LZIC: variants seen among roughly 807,000 people sequenced by gnomAD.
LZIC encodes the protein protein LZIC.
LZIC carries 28 observed loss-of-function variants against 25.4 expected under a neutral mutation model. That is an observed-to-expected ratio of 1.10 (90% CI 0.82 to 1.51). The LOEUF is 1.51. LZIC is among the 40% of genes most tolerant of loss of function. LZIC has a pLI of 0.00. For synonymous variants in LZIC, 65 were observed against 70.7 expected, an observed-to-expected ratio of 0.92 and a Z score of 0.40; for missense variants, 170 against 211.1, an observed-to-expected ratio of 0.81 and a Z score of 1.21.
At chr1:9,930,584 G>T in intron 7 of LZIC, 127 bp from the exon 8 acceptor site, 2 of 1,330,220 alleles carry the variant, frequency 1.5e-6, no homozygotes, top group Non-Finnish European at 2.1e-6. Context: ...CATTATCAGT[G>T]TATTAACCCC....
chr1:9,928,113 G>C lies in LZIC; in HGVS notation c.*2286C>G, dbSNP rs909053513. Among the ~76,000 whole-genome samples the C allele has an allele frequency of 6.6e-6, 1 of 151,958 alleles. No homozygotes were observed. The highest frequency in any genetic ancestry group is 1.5e-5 in the Non-Finnish European group (1 of 67,976). On this transcript the variant is annotated 3_prime_UTR_variant, in exon 8 of 8. Transcript: ENST00000377223. ...GTGGATCACCTAAGGTCAGGAGTTC[G>C]AGACCAGCCTGACCAACATGGAGAA...
At chr1:9,940,889 T>A (rs1018754476) in intron 2 of LZIC, among the ~76,000 whole-genome samples, 3 of 152,212 alleles carry the variant, frequency 2.0e-5, no homozygotes, top group African/African-American at 7.2e-5. Context: ...TCCATTTTAA[T>A]TTTTCTCTTA....
At position 9,926,573 on chromosome 1, in the gene LZIC, C is replaced by T. The variant is rs1355042604; in HGVS notation, c.*3826G>A. Among the ~76,000 whole-genome samples the T allele has an allele frequency of 1.3e-5, 2 of 152,186 alleles. No individual in the cohort carries two copies. The highest frequency in any genetic ancestry group is 1.9e-4 in the East Asian group (1 of 5,194). ...CACCCACATAAAATATGTCTTACTG[C>T]TCACAAGATCAAAAGAAAACAGAAC... On this transcript the variant is annotated 3_prime_UTR_variant, in exon 8 of 8. Transcript: ENST00000377223.
intron 5 of LZIC, among the ~76,000 whole-genome samples, chr1:9,933,283 A>AAAAT (rs1557438404): frequency 3.4e-5 from 2 of 58,360 alleles, no homozygotes; most frequent in African/African-American, 1.1e-4. Flanking sequence ...AAAAAAAAAA[A>AAAAT]ATATATATAT....
intron 3 of LZIC, among the ~76,000 whole-genome samples, chr1:9,936,037 G>A (rs1188159725): frequency 6.6e-6 from 1 of 151,810 alleles, no homozygotes; most frequent in Admixed American, 6.6e-5. Context: ...GCTGAGGCAG[G>A]AGAATCGCTT....
At chr1:9,931,509 G>A (rs1199794186) in intron 7 of LZIC, among the ~76,000 whole-genome samples, 2 of 151,668 alleles carry the variant, frequency 1.3e-5, no homozygotes, top group East Asian at 1.9e-4. Flanking sequence ...TGATCTGCCC[G>A]CCTCGGCCTC....
chr1:9,942,696 T>C lies in LZIC; in HGVS notation c.-81A>G, dbSNP rs1404442618. 2 of 1,289,182 alleles carry C rather than the reference T, an allele frequency of 1.6e-6. No homozygotes were observed. Among genetic ancestry groups the C allele is most frequent in the African/African-American group, 3.0e-5 (2 of 65,872 alleles). The allele number at this position is 1,289,182 out of a possible 1,614,324, so 79.9% of individuals were successfully genotyped here. On this transcript the variant is annotated 5_prime_UTR_variant, in exon 2 of 8. Transcript: ENST00000377223. ...TTGCACAAACCTCCAGTTCTTGACGTTCCGAGTGTCATAAACTTGAGGAAA... is the reference window on the plus strand; with the variant it reads ...TTGCACAAACCTCCAGTTCTTGACGCTCCGAGTGTCATAAACTTGAGGAAA...
At chr1:9,938,255 C>T (rs1388590188) in intron 2 of LZIC, among the ~76,000 whole-genome samples, 1 of 152,082 alleles carries the variant, frequency 6.6e-6, no homozygotes, top group Non-Finnish European at 1.5e-5. Context: ...ATAGCCTCAA[C>T]CTCTCGAGCT....
intron 2 of LZIC, among the ~76,000 whole-genome samples, chr1:9,939,708 G>A (rs377350120): frequency 1.3e-5 from 2 of 151,966 alleles, no homozygotes; most frequent in African/African-American, 2.4e-5. Flanking sequence ...GATATATCTC[G>A]ATAACTGATA....
intron 2 of LZIC, among the ~76,000 whole-genome samples, chr1:9,940,622 A>G (rs796785547): frequency 2.3e-4 from 35 of 152,336 alleles, no homozygotes; most frequent in African/African-American, 8.2e-4. Flanking sequence ...ACAGCATTAA[A>G]GCATGTTTTA....
intron 2 of LZIC, among the ~76,000 whole-genome samples, chr1:9,939,064 TTC>T (rs1264628607): frequency 6.6e-6 from 1 of 152,140 alleles, no homozygotes; most frequent in Non-Finnish European, 1.5e-5. Flanking sequence ...ATTGATAATT[TTC>T]TGTTCCTAAG....
Position 9,942,628 on chromosome 1 carries a change from C to CT in LZIC, c.-14dup. 7.8e-7 allele frequency: 1 copy of CT among 1,283,610 alleles called. No homozygotes were observed. Among genetic ancestry groups the CT allele is most frequent in the Non-Finnish European group, 1.0e-6 (1 of 984,022 alleles). The allele number at this position is 1,283,610 out of a possible 1,614,324, so 79.5% of individuals were successfully genotyped here. On this transcript the variant is annotated 5_prime_UTR_variant, in exon 2 of 8. Transcript: ENST00000377223. The stretch of plus-strand genomic sequence containing the variant: ...AGGGTCCTCATTCATGCTCACCTGT[C>CT]TCTTAGTACTCTGATCTCTGCACAG...
At chr1:9,939,627 C>T (rs1319961589) in intron 2 of LZIC, among the ~76,000 whole-genome samples, 1 of 137,654 alleles carries the variant, frequency 7.3e-6, no homozygotes, top group Non-Finnish European at 1.5e-5. Context: ...GCTGGGATTA[C>T]AGGCATGAGC....
chr1:9,935,425 C>T, intron 4 of LZIC, 67 bp downstream of exon 4: 2 of 1,518,590 alleles, frequency 1.3e-6, no homozygotes, highest in Non-Finnish European at 1.8e-6. Context: ...AAGAATGCAT[C>T]TCAAACAAAA....
In LZIC at chr1:9,929,923, G is replaced by T; in HGVS notation, c.*476C>A. 1 of 957,880 alleles carries T rather than the reference G, an allele frequency of 1.0e-6. No individual in the cohort carries two copies. 59.3% of individuals were successfully genotyped at this position (957,880 alleles called of 1,614,324 possible). ...GCTCTTTCTGGACCTCAGTTTCCTT[G>T]TTTGTAAAAACAGAAATGATTTCTA... is the stretch of plus-strand genomic sequence containing the variant. On this transcript the variant is annotated 3_prime_UTR_variant, in exon 8 of 8. Transcript: ENST00000377223.
At chr1:9,940,118 C>CA (rs921817958) in intron 2 of LZIC, among the ~76,000 whole-genome samples, 119 of 146,682 alleles carry the variant, frequency 8.1e-4, no homozygotes, top group East Asian at 2.8e-3. Context: ...GACTCCTACT[C>CA]AAAAAAAAAC....
Position 9,926,926 on chromosome 1 carries a change from C to T in LZIC, c.*3473G>A, listed in dbSNP as rs952155200. 6.6e-6 allele frequency among the ~76,000 whole-genome samples: 1 copy of T among 152,152 alleles called. No individual in the cohort carries two copies. The highest frequency in any genetic ancestry group is 1.9e-4 in the East Asian group (1 of 5,196). On this transcript the variant is annotated 3_prime_UTR_variant, in exon 8 of 8. Transcript: ENST00000377223. The stretch of plus-strand genomic sequence containing the variant: ...TCAAATACTTATTCTGAATGAATAC[C>T]AAATTTGTGAAACAAAATATATCCT...
chr1:9,932,105 G>GT (rs1640241819), intron 6 of LZIC, 133 bp from the exon 7 acceptor site: 1 of 21,748 alleles, frequency 4.6e-5, no homozygotes, highest in Non-Finnish European at 1.3e-4. Flanking sequence ...GAGGCGTGGG[G>GT]GGGGGGGGGG....
At position 9,936,599 on chromosome 1, in the gene LZIC, T is replaced by C. The variant is rs1205483639; in HGVS notation, c.21A>G (p.Thr7=). 2 of 1,613,048 alleles carry C rather than the reference T, an allele frequency of 1.2e-6. No individual in the cohort carries two copies. Among genetic ancestry groups the C allele is most frequent in the African/African-American group, 1.3e-5 (1 of 75,052 alleles). The change falls in exon 3 of 8, where the codon ACA becomes ACG. Residue 7 remains threonine, a synonymous_variant. Coordinates refer to ENST00000377223, the MANE Select transcript of LZIC (RefSeq NM_032368.5). MASRGK[T]ETSKLKQNLE... is the part of the protein sequence containing the mutation. Reference sequence around the variant, plus strand: ...AATTCTGCTTTAATTTGCTTGTCTCTGTCTTTCCTCTGGAAGCCATTTTAA... The same window carrying C: ...AATTCTGCTTTAATTTGCTTGTCTCCGTCTTTCCTCTGGAAGCCATTTTAA...
Sources: allele counts gnomAD v4.1 joint callset (sites outside exome capture counted in the v4.1 genomes callset), GRCh38; gene constraint gnomAD v4.1.1; transcripts MANE v1.5; gene names NCBI Gene and HGNC (gene_info 2026-07-23, HGNC 2026-07-21).